Variants in IL34 observed in about 807,000 individuals in gnomAD.
IL34 encodes the protein interleukin-34.
A neutral mutation model predicts 25.3 loss-of-function variants in IL34; 17 were observed. That is an observed-to-expected ratio of 0.67 (90% CI 0.46 to 1.01). The LOEUF is 1.01. IL34 is among the 50% of genes least tolerant of loss of function. IL34 has a pLI of 0.00. For synonymous variants in IL34, 174 were observed against 140.9 expected, an observed-to-expected ratio of 1.23 and a Z score of -1.66; for missense variants, 368 against 312.9, an observed-to-expected ratio of 1.18 and a Z score of -1.33.
intron 1 of IL34, among the ~76,000 whole-genome samples, chr16:70,627,002 G>T (rs906151151): frequency 7.9e-5 from 12 of 151,664 alleles, no homozygotes; most frequent in African/African-American, 2.4e-4. Flanking sequence ...AAATATATAT[G>T]TTTCTTATAG....
chr16:70,586,522 C>A (rs1427890957), intron 1 of IL34, among the ~76,000 whole-genome samples: 1 of 152,158 alleles, frequency 6.6e-6, no homozygotes, highest in Non-Finnish European at 1.5e-5. Flanking sequence ...CGCCACTGCA[C>A]TCCAGCCTGG....
At chr16:70,635,142 A>G (rs892237562) in intron 1 of IL34, among the ~76,000 whole-genome samples, 6 of 152,132 alleles carry the variant, frequency 3.9e-5, no homozygotes, top group Non-Finnish European at 8.8e-5. Flanking sequence ...GAGTCTAGGT[A>G]TGTGTTTAAC....
intron 1 of IL34, among the ~76,000 whole-genome samples, chr16:70,608,542 A>G (rs1393176485): frequency 1.3e-5 from 2 of 152,186 alleles, no homozygotes; most frequent in Non-Finnish European, 2.9e-5. Context: ...TTCCCCAGTA[A>G]AACCCAGTTT....
chr16:70,636,722 T>G (rs1210905888), intron 1 of IL34, among the ~76,000 whole-genome samples: 1 of 151,984 alleles, frequency 6.6e-6, no homozygotes, highest in Admixed American at 6.6e-5. Flanking sequence ...TGAGCCTGAT[T>G]GTGCCACTGC....
chr16:70,595,812 G>T (rs2050814197), intron 1 of IL34, among the ~76,000 whole-genome samples: 1 of 151,880 alleles, frequency 6.6e-6, no homozygotes, highest in Admixed American at 6.6e-5. Flanking sequence ...AAGAGTTCGA[G>T]ACCAGCTGGG....
At chr16:70,627,643 AT>A (rs1056303488) in intron 1 of IL34, among the ~76,000 whole-genome samples, 2 of 151,712 alleles carry the variant, frequency 1.3e-5, no homozygotes, top group South Asian at 4.2e-4. Flanking sequence ...TAATCTTTTT[AT>A]TTTTTTGTAG....
intron 1 of IL34, among the ~76,000 whole-genome samples, chr16:70,649,064 C>T (rs1597776970): frequency 6.6e-6 from 1 of 152,148 alleles, no homozygotes; most frequent in Admixed American, 6.5e-5. Context: ...TCTTGACATC[C>T]TTCATTTAAT....
chr16:70,614,681 A>G (rs1181487833), intron 1 of IL34, among the ~76,000 whole-genome samples: 3 of 152,200 alleles, frequency 2.0e-5, no homozygotes, highest in African/African-American at 7.2e-5. Context: ...AAGGGAAGTT[A>G]TGTGAATTGC....
At chr16:70,648,552 T>TAAAAA (rs56164163) in intron 1 of IL34, among the ~76,000 whole-genome samples, 72 of 73,304 alleles carry the variant, frequency 9.8e-4, no homozygotes, top group African/African-American at 1.2e-3. Context: ...ACCCTGTCTT[T>TAAAAA]AAAAAAAAAA....
At chr16:70,638,516 C>T (rs1483541759) in intron 1 of IL34, among the ~76,000 whole-genome samples, 1 of 151,046 alleles carries the variant, frequency 6.6e-6, no homozygotes. Flanking sequence ...TGCCTTCTGA[C>T]CCCCCCACTC....
Position 70,614,429 on chromosome 16 carries a change from T to C in IL34, c.-400-32119T>C, listed in dbSNP as rs866185356. Among the ~76,000 whole-genome samples the C allele has an allele frequency of 5.0e-4, 76 of 152,312 alleles. 1 individual carries two copies. The highest frequency in any genetic ancestry group is 1.8e-3 in the African/African-American group (73 of 41,566). On this transcript the variant is annotated intron_variant, in intron 1 of 6. Coordinates refer to the IL34 transcript ENST00000429149. ...GAATTGTATGTCTGAGGGAGGGGCCTGGAGCCTGTGTTTTTTAACAGCCTC... is the reference window on the plus strand; with the variant it reads ...GAATTGTATGTCTGAGGGAGGGGCCCGGAGCCTGTGTTTTTTAACAGCCTC...
intron 1 of IL34, among the ~76,000 whole-genome samples, chr16:70,614,693 T>C (rs1262274974): frequency 6.6e-6 from 1 of 152,244 alleles, no homozygotes; most frequent in Non-Finnish European, 1.5e-5. Flanking sequence ...GTGAATTGCC[T>C]ACACTCTTTG....
intron 2 of IL34, among the ~76,000 whole-genome samples, 192 bp downstream of exon 2, chr16:70,654,863 C>T (rs1016972665): frequency 2.0e-4 from 30 of 152,140 alleles, no homozygotes; most frequent in Non-Finnish European, 4.4e-5. Flanking sequence ...CTGCCATCTC[C>T]TGGGGCCTCC....
intron 1 of IL34, among the ~76,000 whole-genome samples, chr16:70,616,638 C>T (rs956892223): frequency 1.3e-5 from 2 of 152,004 alleles, no homozygotes; most frequent in Non-Finnish European, 2.9e-5. Flanking sequence ...TTGGGATAGG[C>T]GGTGAAGTTA....
chr16:70,631,823 T>G (rs890838734), intron 1 of IL34, among the ~76,000 whole-genome samples: 1 of 152,132 alleles, frequency 6.6e-6, no homozygotes, highest in African/African-American at 2.4e-5. Flanking sequence ...ACAAGTTACC[T>G]CATCCCTCTG....
At chr16:70,597,331 C>T (rs1298462201) in intron 1 of IL34, among the ~76,000 whole-genome samples, 1 of 152,106 alleles carries the variant, frequency 6.6e-6, no homozygotes, top group Admixed American at 6.5e-5. Flanking sequence ...AGCGATACTC[C>T]TGCCTCAGCC....
intron 1 of IL34, among the ~76,000 whole-genome samples, chr16:70,639,208 G>A (rs2051724837): frequency 6.6e-6 from 1 of 152,214 alleles, no homozygotes; most frequent in African/African-American, 2.4e-5. Flanking sequence ...CCCGGATCCA[G>A]GAGTGTATTT....
chr16:70,605,300 T>C (rs1259674744), intron 1 of IL34, among the ~76,000 whole-genome samples: 1 of 152,230 alleles, frequency 6.6e-6, no homozygotes, highest in Non-Finnish European at 1.5e-5. Flanking sequence ...TCTCATCAAA[T>C]GCAAGTGTCC....
intron 1 of IL34, among the ~76,000 whole-genome samples, chr16:70,629,498 TGTAAAATG>T (rs2051469811): frequency 6.6e-6 from 1 of 152,194 alleles, no homozygotes; most frequent in Non-Finnish European, 1.5e-5. Context: ...AGGTCCCTTA[TGTAAAATG>T]GCATAGTATT....
Sources: allele counts gnomAD v4.1 joint callset (sites outside exome capture counted in the v4.1 genomes callset), GRCh38; gene constraint gnomAD v4.1.1; transcripts MANE v1.5; gene names NCBI Gene and HGNC (gene_info 2026-07-23, HGNC 2026-07-21).